Variants in KHDRBS3 observed in about 807,000 individuals in gnomAD.
KHDRBS3 encodes KH domain-containing, RNA-binding, signal transduction-associated protein 3.
Under a neutral mutation model 45.6 loss-of-function variants are expected in KHDRBS3, and 23 were observed. That is an observed-to-expected ratio of 0.50 (90% CI 0.36 to 0.72). The LOEUF (loss-of-function observed/expected upper bound fraction) is 0.72, where lower values mean the gene tolerates loss of function less well. Ranked by LOEUF, KHDRBS3 falls within the 30% of genes least tolerant of loss-of-function variation. The probability of loss-of-function intolerance (pLI) is 0.00; values close to 1 mark genes in which losing one functional copy is unlikely to be tolerated. For synonymous variants in KHDRBS3, 162 were observed against 156.5 expected (o/e 1.04, Z -0.26); for missense variants, 352 against 424.8 (o/e 0.83, Z 1.51).
chr8:135,522,625 G>A (rs777980323), intron 2 of KHDRBS3, among the ~76,000 whole-genome samples: 9 of 151,912 alleles, frequency 5.9e-5, no homozygotes, highest in Admixed American at 5.2e-4. Context: ...ATCTTCCTGT[G>A]GTATGAAGTT....
intron 3 of KHDRBS3, among the ~76,000 whole-genome samples, chr8:135,545,410 T>C (rs1018489251): frequency 2.6e-5 from 4 of 152,210 alleles, no homozygotes; most frequent in African/African-American, 9.6e-5. Context: ...ATTTGAGTAC[T>C]CAAAGTTATT....
chr8:135,518,578 G>T (rs993416289), intron 1 of KHDRBS3, among the ~76,000 whole-genome samples: 2 of 152,168 alleles, frequency 1.3e-5, no homozygotes, highest in Non-Finnish European at 2.9e-5. Flanking sequence ...ACCTGATTTT[G>T]TTGAATCGTC....
chr8:135,577,914 T>G (rs931893596), intron 5 of KHDRBS3, among the ~76,000 whole-genome samples: 32 of 152,168 alleles, frequency 2.1e-4, no homozygotes, highest in African/African-American at 7.2e-4. Flanking sequence ...TATTCAGTTA[T>G]TTATTTTAGT....
intron 2 of KHDRBS3, chr8:135,540,728 A>G (rs2130765573): frequency 6.6e-6 from 1 of 152,366 alleles, no homozygotes; most frequent in African/African-American, 2.4e-5. Context: ...CCCAAGTGAA[A>G]CGAAATACAG....
chr8:135,644,534 C>G (rs967741390), intron 7 of KHDRBS3, among the ~76,000 whole-genome samples: 7 of 152,188 alleles, frequency 4.6e-5, no homozygotes. Flanking sequence ...AGTACAGCAC[C>G]CACAATTCAT....
chr8:135,517,505 A>G (rs1040732140), intron 1 of KHDRBS3, among the ~76,000 whole-genome samples: 2 of 152,170 alleles, frequency 1.3e-5, no homozygotes, highest in African/African-American at 4.8e-5. Context: ...AAGATTTCGT[A>G]GATAATTTTG....
chr8:135,543,663 C>G (rs376916553), intron 3 of KHDRBS3, among the ~76,000 whole-genome samples: 2 of 152,100 alleles, frequency 1.3e-5, no homozygotes, highest in South Asian at 2.1e-4. Flanking sequence ...TCATGTTATC[C>G]TTGGAAAAAT....
intron 7 of KHDRBS3, chr8:135,625,378 C>T: frequency 1.2e-6 from 1 of 847,208 alleles, no homozygotes; most frequent in South Asian, 1.4e-5. Flanking sequence ...CGGTAAGTTT[C>T]AATACATTGA....
intron 4 of KHDRBS3, among the ~76,000 whole-genome samples, chr8:135,555,411 G>C (rs918347948): frequency 6.7e-6 from 1 of 149,834 alleles, no homozygotes; most frequent in African/African-American, 2.5e-5. Context: ...GGTATCATTA[G>C]TGTTAGTGTA....
intron 3 of KHDRBS3, among the ~76,000 whole-genome samples, chr8:135,546,786 A>C (rs1826326406): frequency 6.6e-6 from 1 of 152,150 alleles, no homozygotes; most frequent in East Asian, 1.9e-4. Context: ...TTAGGGGTTT[A>C]ATGCAGAATT....
At chr8:135,552,272 G>A (rs1362682502) in intron 4 of KHDRBS3, among the ~76,000 whole-genome samples, 1 of 151,606 alleles carries the variant, frequency 6.6e-6, no homozygotes, top group Non-Finnish European at 1.5e-5. Context: ...TACACATGCT[G>A]GTGTCTCATG....
intron 6 of KHDRBS3, among the ~76,000 whole-genome samples, chr8:135,584,975 A>C (rs1242975930): frequency 6.6e-6 from 1 of 151,904 alleles, no homozygotes; most frequent in African/African-American, 2.4e-5. Context: ...TAATCCTAGC[A>C]TTTTCAGAGG....
At chr8:135,466,248 G>A (rs1325648707) in intron 1 of KHDRBS3, among the ~76,000 whole-genome samples, 2 of 152,114 alleles carry the variant, frequency 1.3e-5, no homozygotes, top group Non-Finnish European at 2.9e-5. Flanking sequence ...TTGCTCAAGC[G>A]CCTGAGGTAT....
At chr8:135,620,328 T>G (rs1830086549) in intron 7 of KHDRBS3, among the ~76,000 whole-genome samples, 1 of 152,102 alleles carries the variant, frequency 6.6e-6, no homozygotes, top group Non-Finnish European at 1.5e-5. Flanking sequence ...CTTGAACTTT[T>G]GAGTTCAAAG....
At chr8:135,557,609 G>A in intron 5 of KHDRBS3, 22 bp downstream of exon 5, 1 of 1,585,618 alleles carries the variant, frequency 6.3e-7, no homozygotes, top group South Asian at 1.1e-5. Context: ...TTTTTTTTTA[G>A]GTTAACATAC....
chr8:135,527,490 G>A (rs1825251317), intron 2 of KHDRBS3, among the ~76,000 whole-genome samples: 1 of 152,248 alleles, frequency 6.6e-6, no homozygotes, highest in African/African-American at 2.4e-5. Flanking sequence ...CATAAATGAA[G>A]TTGTAAGGGA....
At chr8:135,652,228 T>C (rs148324125), downstream of KHDRBS3, among the ~76,000 whole-genome samples, 910 of 152,334 alleles carry the variant, frequency 6.0e-3, 2 homozygotes, top group Non-Finnish European at 9.4e-3. Context: ...TACAGATCAT[T>C]TTTCAATCTG....
intron 1 of KHDRBS3, among the ~76,000 whole-genome samples, chr8:135,509,768 G>A (rs1824180484): frequency 6.6e-6 from 1 of 152,012 alleles, no homozygotes; most frequent in Non-Finnish European, 1.5e-5. Context: ...AAATTAATGT[G>A]ACAAATGCTA....
At position 135,551,576 on chromosome 8, in the gene KHDRBS3, C is replaced by A. The variant is rs540398674; in HGVS notation, c.471+2676C>A. Among the ~76,000 whole-genome samples the A allele has an allele frequency of 3.9e-5, 6 of 152,168 alleles. No homozygotes were observed. The East Asian group carries it at 1.2e-3, about 29-fold the overall frequency. On this transcript the variant is annotated intron_variant, in intron 4 of 8. Coordinates refer to ENST00000355849, the MANE Select transcript of KHDRBS3 (RefSeq NM_006558.3). ...ACATTAGTTGATTTCAGATGTGAAG[C>A]CACATTTGCATTCCGAGGATAATTC... is the stretch of plus-strand genomic sequence containing the variant.
Sources: allele counts gnomAD v4.1 joint callset (sites outside exome capture counted in the v4.1 genomes callset), GRCh38; gene constraint gnomAD v4.1.1; transcripts MANE v1.5; gene names NCBI Gene and HGNC (gene_info 2026-07-23, HGNC 2026-07-21).